Variants in PLCE1 observed in about 807,000 individuals in gnomAD.
The protein encoded by PLCE1 is 1-phosphatidylinositol 4,5-bisphosphate phosphodiesterase epsilon-1.
In PLCE1, 119 loss-of-function variants were observed where a neutral mutation model predicts 242.8. The ratio of observed to expected loss-of-function variants is 0.49; its 90% CI spans 0.42 to 0.57. The LOEUF (loss-of-function observed/expected upper bound fraction) is 0.57, where lower values mean the gene tolerates loss of function less well. Ranked by LOEUF, PLCE1 falls within the 20% of genes least tolerant of loss-of-function variation. The probability of loss-of-function intolerance (pLI) is 0.00; values close to 1 mark genes in which losing one functional copy is unlikely to be tolerated. For missense variants in PLCE1, 2,441 were observed against 2,788.8 expected (o/e 0.88, Z 2.81); for synonymous variants, 945 against 1,017.4 (o/e 0.93, Z 1.35).
chr10:94,136,794 A>C (rs1305368201), intron 3 of PLCE1, among the ~76,000 whole-genome samples: 1 of 152,234 alleles, frequency 6.6e-6, no homozygotes, highest in Non-Finnish European at 1.5e-5. Flanking sequence ...TATGTGAAGC[A>C]TTGATCCACA....
intron 4 of PLCE1, among the ~76,000 whole-genome samples, chr10:94,222,551 C>T (rs1180371125): frequency 6.6e-6 from 1 of 152,208 alleles, no homozygotes; most frequent in Non-Finnish European, 1.5e-5. Flanking sequence ...TGTGGACACA[C>T]TCCAGGTGGG....
chr10:94,027,792 G>A (rs1341572700), intron 1 of PLCE1, among the ~76,000 whole-genome samples: 3 of 151,812 alleles, frequency 2.0e-5, no homozygotes, highest in Non-Finnish European at 4.4e-5. Context: ...CTGCACTCCA[G>A]CCTGGCGACA....
chr10:94,300,518 G>A (rs922036585), intron 24 of PLCE1, among the ~76,000 whole-genome samples: 1 of 152,202 alleles, frequency 6.6e-6, no homozygotes, highest in African/African-American at 2.4e-5. Context: ...ATCTCCCCAT[G>A]TTGGACAAAA....
Position 94,329,779 on chromosome 10 carries a change from A to G in PLCE1, c.*1836A>G, listed in dbSNP as rs1589559587. 1.3e-5 allele frequency: 1 copy of G among 74,426 alleles called. No individual in the cohort carries two copies. Among genetic ancestry groups the G allele is most frequent in the Admixed American group, 1.2e-4 (1 of 8,098 alleles). 4.6% of individuals were successfully genotyped at this position (74,426 alleles called of 1,614,324 possible). A position where few individuals can be genotyped will look rare whatever the true frequency, so the allele number is the denominator to read the frequency against. On this transcript the variant is annotated 3_prime_UTR_variant, in exon 33 of 33. Coordinates refer to ENST00000371380, the MANE Select transcript of PLCE1 (RefSeq NM_016341.4). ...GTGACAGAGCGAGACTCCGTCTCAA[A>G]AAAAAAAAAAAAAAAAAAAAAAAAA...
chr10:94,112,799 A>T (rs1290918363), intron 2 of PLCE1, among the ~76,000 whole-genome samples: 1 of 152,196 alleles, frequency 6.6e-6, no homozygotes, highest in Non-Finnish European at 1.5e-5. Flanking sequence ...CCTTAGAAAA[A>T]CACAATGCCT....
chr10:94,034,525 G>A (rs541145026), intron 2 of PLCE1, among the ~76,000 whole-genome samples: 1 of 152,308 alleles, frequency 6.6e-6, no homozygotes, highest in Admixed American at 6.5e-5. Context: ...CTCCTAGGTG[G>A]TTTCTTAAGA....
At chr10:94,015,053 T>C (rs1214499565) in intron 1 of PLCE1, among the ~76,000 whole-genome samples, 1 of 152,230 alleles carries the variant, frequency 6.6e-6, no homozygotes, top group Non-Finnish European at 1.5e-5. Context: ...ACTGTATGAC[T>C]TAATCTGTCA....
intron 3 of PLCE1, among the ~76,000 whole-genome samples, chr10:94,146,016 T>C (rs750572085): frequency 3.9e-5 from 6 of 151,986 alleles, no homozygotes; most frequent in Non-Finnish European, 8.8e-5. Context: ...TAGTGAGAGG[T>C]AAGGTCCATT....
intron 4 of PLCE1, among the ~76,000 whole-genome samples, chr10:94,188,998 TAAA>T (rs904632569): frequency 9.5e-5 from 7 of 73,796 alleles, no homozygotes; most frequent in East Asian, 3.8e-4. Flanking sequence ...TAGGAGAAAG[TAAA>T]AAAAAAAAAA....
intron 4 of PLCE1, among the ~76,000 whole-genome samples, chr10:94,171,999 C>T (rs1189163084): frequency 1.3e-5 from 2 of 152,154 alleles, no homozygotes; most frequent in Non-Finnish European, 2.9e-5. Flanking sequence ...TGAATCACCT[C>T]GGTTCTCTCT....
intron 1 of PLCE1, among the ~76,000 whole-genome samples, chr10:94,025,789 CA>C (rs1308284987): frequency 2.0e-5 from 3 of 152,146 alleles, no homozygotes; most frequent in African/African-American, 7.2e-5. Context: ...CTCAATTCTT[CA>C]AATAAATAAA....
chr10:94,098,095 TA>T (rs1228064195), intron 2 of PLCE1, among the ~76,000 whole-genome samples: 1 of 152,214 alleles, frequency 6.6e-6, no homozygotes, highest in African/African-American at 2.4e-5. Context: ...CTCACTTGGA[TA>T]AGTACATTTA....
At chr10:94,233,968 G>T (rs2137290815) in intron 5 of PLCE1, 86 bp from the exon 6 acceptor site, 5 of 1,233,868 alleles carry the variant, frequency 4.1e-6, no homozygotes, top group South Asian at 4.0e-5. Context: ...ATGGTAAAAA[G>T]AATGAATTTG....
intron 21 of PLCE1, 152 bp from the exon 22 acceptor site, chr10:94,284,696 A>G (rs973708987): frequency 8.0e-6 from 5 of 621,878 alleles, no homozygotes; most frequent in African/African-American, 7.3e-5. Context: ...CTTTTACTCT[A>G]GGAAAGCTGT....
chr10:94,224,366 G>A (rs941809479), intron 4 of PLCE1, among the ~76,000 whole-genome samples: 3 of 152,188 alleles, frequency 2.0e-5, no homozygotes, highest in Non-Finnish European at 4.4e-5. Flanking sequence ...CACCTGCCCT[G>A]TGAAGCAGAC....
In PLCE1 at chr10:94,284,027, T is replaced by C. The variant is rs2052346737; in HGVS notation, c.4917+116T>C. ...TTTCACCTTTCCCCTCACTTTCCCT[T>C]AGATACCTGCCAAAGTTCACTTGGT... On this transcript the variant is annotated intron_variant, in intron 21 of 32. Transcript: ENST00000371380. The C allele has an allele frequency of 2.4e-6, 3 of 1,232,846 alleles. No homozygotes were observed. The South Asian group carries it at 3.7e-5, about 15-fold the overall frequency. The allele number at this position is 1,232,846 out of a possible 1,614,324, so 76.4% of individuals were successfully genotyped here. A position where few individuals can be genotyped will look rare whatever the true frequency, so the allele number is the denominator to read the frequency against.
chr10:94,172,316 T>C (rs1334877183), intron 4 of PLCE1, among the ~76,000 whole-genome samples: 1 of 152,222 alleles, frequency 6.6e-6, no homozygotes, highest in Non-Finnish European at 1.5e-5. Flanking sequence ...CCCAGAGTTT[T>C]CTATTCTACA....
At chr10:94,106,500 A>T (rs2135554678) in intron 2 of PLCE1, among the ~76,000 whole-genome samples, 1 of 152,282 alleles carries the variant, frequency 6.6e-6, no homozygotes, top group Non-Finnish European at 1.5e-5. Flanking sequence ...TGCTGGAGTG[A>T]GCATCTTTAT....
rs2137416823 is a variant in PLCE1, at chr10:94,240,813, T to G, written c.2420+4693T>G. ...ATAAAAACCTTTCTTCTATTTTTACTCCTTGGTCCTCTCCTTAAGGCATAC... is the reference window on the plus strand; with the variant it reads ...ATAAAAACCTTTCTTCTATTTTTACGCCTTGGTCCTCTCCTTAAGGCATAC... On this transcript the variant is annotated intron_variant, in intron 7 of 32. Coordinates refer to ENST00000371380, the MANE Select transcript of PLCE1 (RefSeq NM_016341.4). Among the ~76,000 whole-genome samples, 4 of 152,350 alleles carry G rather than the reference T, an allele frequency of 2.6e-5. No homozygotes were observed. The South Asian group carries it at 8.3e-4, about 32-fold the overall frequency.
Sources: gnomAD v4.1 joint callset for allele counts (sites outside exome capture counted in the v4.1 genomes callset) on GRCh38, gnomAD v4.1.1 for gene constraint, MANE v1.5 for transcripts, NCBI Gene and HGNC (gene_info 2026-07-23, HGNC 2026-07-21) for gene names.